COL6A5: variants seen among roughly 807,000 people sequenced by gnomAD.
The protein encoded by COL6A5 is collagen type VI alpha 5 chain, also known as collagen alpha-5(VI) chain.
COL6A5 carries 48 observed loss-of-function variants against 65.6 expected under a neutral mutation model. The observed-to-expected ratio is 0.73, with a 90% CI of 0.58 to 0.93. The LOEUF is 0.93. Ranked by LOEUF, COL6A5 falls within the 40% of genes least tolerant of loss-of-function variation. The probability of loss-of-function intolerance (pLI) is 0.00; values close to 1 mark genes in which losing one functional copy is unlikely to be tolerated. For synonymous variants in COL6A5, 291 were observed against 322.8 expected (o/e 0.90, Z 1.05); for missense variants, 914 against 928.3 (o/e 0.98, Z 0.20).
Position 130,406,333 on chromosome 3 carries a change from C to G in COL6A5, c.4479+12C>G. 6.5e-7 allele frequency: 1 copy of G among 1,540,158 alleles called. No individual in the cohort carries two copies. Among genetic ancestry groups the G allele is most frequent in the East Asian group, 2.4e-5 (1 of 40,866 alleles). ...ATCCAGGATCTCAGGTAACACTTTT[C>G]TTTTCAATACTTCAAAGAAGGAGAA... On this transcript the variant is annotated intron_variant and NMD_transcript_variant, in intron 17 of 41. Coordinates refer to the COL6A5 transcript ENST00000312481.
intron 3 of COL6A5, among the ~76,000 whole-genome samples, chr3:130,378,439 G>A (rs1935866096): frequency 6.6e-6 from 1 of 152,104 alleles, no homozygotes; most frequent in Non-Finnish European, 1.5e-5. Flanking sequence ...TTCCATCTTA[G>A]CAGCTGTAAT....
At chr3:130,410,671 C>A (rs998739908) in intron 20 of COL6A5, 147 bp downstream of exon 20, 3 of 681,532 alleles carry the variant, frequency 4.4e-6, no homozygotes, top group Admixed American at 2.8e-5. Flanking sequence ...AAATTTGGGG[C>A]CAATAATTAT....
At chr3:130,355,597 C>G (rs1454504685) in intron 1 of COL6A5, among the ~76,000 whole-genome samples, 1 of 151,862 alleles carries the variant, frequency 6.6e-6, no homozygotes. Flanking sequence ...TTTACACACA[C>G]ACACACACTT....
intron 7 of COL6A5, among the ~76,000 whole-genome samples, chr3:130,480,383 G>A (rs778367048): frequency 8.6e-5 from 13 of 151,868 alleles, no homozygotes; most frequent in South Asian, 6.2e-4. Flanking sequence ...ATATATTTTT[G>A]CAGAGAATTA....
chr3:130,455,612 A>T, exon 5 of COL6A5: 1 of 1,613,260 alleles, frequency 6.2e-7, no homozygotes, highest in Non-Finnish European at 8.5e-7. Flanking sequence ...ACAAAAATTA[A>T]TGATCAATTA....
intron 6 of COL6A5, among the ~76,000 whole-genome samples, chr3:130,389,822 C>T (rs986576109): frequency 2.0e-5 from 3 of 152,052 alleles, no homozygotes; most frequent in African/African-American, 7.2e-5. Flanking sequence ...AGAGCTTTCT[C>T]TCAATCCACA....
intron 23 of COL6A5, among the ~76,000 whole-genome samples, chr3:130,416,139 G>A (rs976798593): frequency 1.3e-5 from 2 of 152,100 alleles, no homozygotes; most frequent in Admixed American, 1.3e-4. Flanking sequence ...TTCACCTCTT[G>A]AATTCCCCAT....
chr3:130,437,995 T>C (rs1375303715), intron 1 of COL6A5, among the ~76,000 whole-genome samples: 1 of 152,020 alleles, frequency 6.6e-6, no homozygotes, highest in African/African-American at 2.4e-5. Flanking sequence ...TTTGTTTGCT[T>C]TTTTGTTTTG....
chr3:130,409,978 T>C lies in COL6A5; in HGVS notation c.4543-31T>C, dbSNP rs1474639179. ...TGGGGAAAAAGCTGATATTTCTGGATTCTAAACTACTTTTAAAAATCTTTC... is the reference window on the plus strand; with the variant it reads ...TGGGGAAAAAGCTGATATTTCTGGACTCTAAACTACTTTTAAAAATCTTTC... On this transcript the variant is annotated intron_variant and NMD_transcript_variant, in intron 18 of 41. Transcript: ENST00000312481. 4 of 1,450,798 alleles carry C rather than the reference T, an allele frequency of 2.8e-6. No individual in the cohort carries two copies. In the East Asian group the frequency reaches 7.4e-5, roughly 27 times the overall value. 89.9% of individuals were successfully genotyped at this position (1,450,798 alleles called of 1,614,324 possible).
chr3:130,361,292 T>G (rs1559857307), intron 1 of COL6A5, among the ~76,000 whole-genome samples: 1 of 152,108 alleles, frequency 6.6e-6, no homozygotes, highest in Non-Finnish European at 1.5e-5. Context: ...TTACTGTCTT[T>G]GTAGTTTTAC....
chr3:130,477,027 CT>C, intron 7 of COL6A5: 1 of 1,355,464 alleles, frequency 7.4e-7, no homozygotes, highest in Non-Finnish European at 1.0e-6. Flanking sequence ...TGTACTTTGT[CT>C]TTTTGCAGAT....
intron 4 of COL6A5, among the ~76,000 whole-genome samples, chr3:130,451,901 C>G (rs1709450593): frequency 6.6e-6 from 1 of 152,088 alleles, no homozygotes; most frequent in Non-Finnish European, 1.5e-5. Flanking sequence ...CAGCAGGTAC[C>G]AAGGCCCAGT....
At chr3:130,354,182 T>C (rs979979980) in intron 1 of COL6A5, among the ~76,000 whole-genome samples, 1 of 151,884 alleles carries the variant, frequency 6.6e-6, no homozygotes, top group Non-Finnish European at 1.5e-5. Context: ...AAGGATAAAA[T>C]ATCCAAGCAG....
intron 1 of COL6A5, among the ~76,000 whole-genome samples, chr3:130,364,300 C>T (rs1935249703): frequency 6.6e-6 from 1 of 152,180 alleles, no homozygotes; most frequent in Non-Finnish European, 1.5e-5. Flanking sequence ...TGGGATCATA[C>T]TCTGCATATC....
At chr3:130,446,919 T>A (rs1256847157) in intron 4 of COL6A5, among the ~76,000 whole-genome samples, 2 of 152,066 alleles carry the variant, frequency 1.3e-5, no homozygotes. Context: ...TTAAAAAAAT[T>A]AGAGTAAACA....
intron 10 of COL6A5, among the ~76,000 whole-genome samples, chr3:130,398,898 A>G (rs1936710521): frequency 6.6e-6 from 1 of 152,190 alleles, no homozygotes; most frequent in Admixed American, 6.5e-5. Flanking sequence ...CAATATAGAC[A>G]CCACATACAT....
Position 130,385,383 on chromosome 3 carries a change from G to C in COL6A5, c.1861+19G>C. 3 of 1,541,464 alleles carry C rather than the reference G, an allele frequency of 1.9e-6. No individual in the cohort carries two copies. Among genetic ancestry groups the C allele is most frequent in the Non-Finnish European group, 2.6e-6 (3 of 1,142,406 alleles). ...GAAAAAGGTAAGCAACACAAAAAAG[G>C]CTTTATTCTCCACATTTCATCAATT... On this transcript the variant is annotated intron_variant and NMD_transcript_variant, in intron 5 of 41. Transcript: ENST00000312481.
chr3:130,413,401 T>C, intron 20 of COL6A5, 144 bp from the exon 21 acceptor site: 2 of 718,860 alleles, frequency 2.8e-6, no homozygotes, highest in Non-Finnish European at 4.8e-6. Flanking sequence ...TGTGAAAGCT[T>C]GTCTATGGAA....
intron 2 of COL6A5, among the ~76,000 whole-genome samples, chr3:130,374,929 T>A (rs1415286989): frequency 6.6e-6 from 1 of 152,216 alleles, no homozygotes; most frequent in Admixed American, 6.5e-5. Context: ...TTATACTCTC[T>A]TGTAATTACT....
Sources: gnomAD v4.1 joint callset for allele counts (sites outside exome capture counted in the v4.1 genomes callset) on GRCh38, gnomAD v4.1.1 for gene constraint, MANE v1.5 for transcripts, NCBI Gene and HGNC (gene_info 2026-07-23, HGNC 2026-07-21) for gene names.